Variants in ANO4 observed in about 807,000 individuals in gnomAD.
The protein encoded by ANO4 is anoctamin 4.
ANO4 carries 69 observed loss-of-function variants against 141.9 expected under a neutral mutation model. The ratio of observed to expected loss-of-function variants is 0.49; its 90% confidence interval spans 0.40 to 0.59. The LOEUF is 0.59. ANO4 is among the 20% of genes least tolerant of loss of function. The pLI is 0.00. For missense variants in ANO4, 894 were observed against 1,162.2 expected, an observed-to-expected ratio of 0.77 and a Z score of 3.36; for synonymous variants, 350 against 394.3, an observed-to-expected ratio of 0.89 and a Z score of 1.33.
intron 8 of ANO4, among the ~76,000 whole-genome samples, chr12:100,996,915 T>C (rs1298985155): frequency 3.6e-5 from 5 of 140,582 alleles, no homozygotes; most frequent in Admixed American, 7.0e-5. Flanking sequence ...AACAACTCCT[T>C]CATTCCAGGG....
chr12:101,071,574 G>C (rs910219771), intron 14 of ANO4, among the ~76,000 whole-genome samples: 3 of 151,730 alleles, frequency 2.0e-5, no homozygotes, highest in Non-Finnish European at 4.4e-5. Flanking sequence ...TGAAGAGGAG[G>C]GGGGATGGTT....
intron 1 of ANO4, among the ~76,000 whole-genome samples, chr12:100,891,128 CAT>C (rs1413903534): frequency 6.6e-6 from 1 of 152,184 alleles, no homozygotes; most frequent in African/African-American, 2.4e-5. Context: ...AAGGTTCCCA[CAT>C]GTCTTTTCAT....
At chr12:101,086,863 G>T in intron 17 of ANO4, 39 bp downstream of exon 17, 1 of 1,600,646 alleles carries the variant, frequency 6.2e-7, no homozygotes, top group South Asian at 1.1e-5. Context: ...GGATCAAAAT[G>T]TGTGGGCTGC....
intron 1 of ANO4, among the ~76,000 whole-genome samples, chr12:100,875,226 A>G (rs1171359199): frequency 6.6e-6 from 1 of 152,190 alleles, no homozygotes; most frequent in East Asian, 1.9e-4. Flanking sequence ...TGACTGGATC[A>G]TGGCGGTGGA....
At chr12:100,721,265 C>T (rs1242417180) in intron 1 of ANO4, among the ~76,000 whole-genome samples, 1 of 152,188 alleles carries the variant, frequency 6.6e-6, no homozygotes, top group Non-Finnish European at 1.5e-5. Context: ...AGCCTTAACC[C>T]AGGGTTACTA....
chr12:100,899,697 G>A (rs1365045683), intron 1 of ANO4, among the ~76,000 whole-genome samples: 2 of 152,136 alleles, frequency 1.3e-5, no homozygotes, highest in African/African-American at 4.8e-5. Flanking sequence ...TCTTACCTTT[G>A]ACATGACCTA....
intron 10 of ANO4, 136 bp downstream of exon 10, chr12:101,037,286 G>T: frequency 1.2e-6 from 1 of 813,556 alleles, no homozygotes; most frequent in South Asian, 1.8e-5. Flanking sequence ...AATTAGGGAG[G>T]GTCTACTTCA....
intron 5 of ANO4, among the ~76,000 whole-genome samples, chr12:100,953,381 A>G (rs1376268066): frequency 6.6e-6 from 1 of 152,234 alleles, no homozygotes; most frequent in Non-Finnish European, 1.5e-5. Context: ...TTTGAAAAAG[A>G]TGAAGTGTAA....
At chr12:100,717,535 C>T in exon 1 of ANO4, 1 of 399,536 alleles carries the variant, frequency 2.5e-6, no homozygotes, top group Non-Finnish European at 4.4e-6. Context: ...GATGGCCTCC[C>T]TCACCGCATA....
intron 7 of ANO4, among the ~76,000 whole-genome samples, chr12:100,982,003 T>C (rs977527994): frequency 6.6e-6 from 1 of 152,194 alleles, no homozygotes; most frequent in Non-Finnish European, 1.5e-5. Flanking sequence ...CATTTGCTTA[T>C]ACTGTATTGT....
At chr12:100,958,646 A>G (rs1329904347) in intron 5 of ANO4, among the ~76,000 whole-genome samples, 1 of 152,196 alleles carries the variant, frequency 6.6e-6, no homozygotes, top group Non-Finnish European at 1.5e-5. Flanking sequence ...CCCAAGTTGA[A>G]GACTAGCCTG....
intron 1 of ANO4, among the ~76,000 whole-genome samples, chr12:100,811,183 T>C (rs1336350770): frequency 6.6e-6 from 1 of 152,180 alleles, no homozygotes; most frequent in Non-Finnish European, 1.5e-5. Context: ...ATCATAGATC[T>C]TGGGAATGTG....
intron 1 of ANO4, among the ~76,000 whole-genome samples, chr12:100,829,035 CTTAAT>C (rs1282121023): frequency 7.1e-6 from 1 of 141,516 alleles, no homozygotes; most frequent in African/African-American, 2.5e-5. Context: ...AAAAAAAAAG[CTTAAT>C]TTAAACTTTG....
At chr12:100,828,540 T>G (rs1371524976) in intron 1 of ANO4, among the ~76,000 whole-genome samples, 1 of 152,108 alleles carries the variant, frequency 6.6e-6, no homozygotes, top group Non-Finnish European at 1.5e-5. Context: ...TCCCTATCTT[T>G]TCAAGTTTTT....
At chr12:100,882,335 A>G (rs1156257642) in intron 1 of ANO4, among the ~76,000 whole-genome samples, 1 of 152,186 alleles carries the variant, frequency 6.6e-6, no homozygotes, top group Non-Finnish European at 1.5e-5. Flanking sequence ...CAATAATAAC[A>G]CTGTTAATAC....
intron 22 of ANO4, among the ~76,000 whole-genome samples, chr12:101,105,063 A>G (rs1012950261): frequency 6.6e-6 from 1 of 152,192 alleles, no homozygotes; most frequent in African/African-American, 2.4e-5. Context: ...CAGGAGGCTG[A>G]AGAGCTAACC....
intron 1 of ANO4, among the ~76,000 whole-genome samples, chr12:100,893,315 G>A (rs1315713027): frequency 6.6e-6 from 1 of 151,872 alleles, no homozygotes; most frequent in Non-Finnish European, 1.5e-5. Flanking sequence ...TCACCTTATG[G>A]AGACCATTAT....
chr12:101,111,536 A>G, intron 23 of ANO4, 27 bp from the exon 24 acceptor site: 2 of 1,571,144 alleles, frequency 1.3e-6, no homozygotes, highest in Non-Finnish European at 1.7e-6. Context: ...TGTGTATGGA[A>G]CTAACACAAC....
chr12:100,879,242 TTA>T (rs2039453722), intron 1 of ANO4, among the ~76,000 whole-genome samples: 1 of 152,144 alleles, frequency 6.6e-6, no homozygotes, highest in Non-Finnish European at 1.5e-5. Flanking sequence ...ATTAGGTGTA[TTA>T]TTATGCACTC....
Sources: allele counts gnomAD v4.1 joint callset (sites outside exome capture counted in the v4.1 genomes callset), GRCh38; gene constraint gnomAD v4.1.1; transcripts MANE v1.5; gene names NCBI Gene and HGNC (gene_info 2026-07-23, HGNC 2026-07-21).